Variants in DHRSX observed in about 807,000 individuals in gnomAD.
DHRSX encodes the protein dehydrogenase/reductase X-linked, also known as polyprenol dehydrogenase.
Under a neutral mutation model 34.0 loss-of-function variants are expected in DHRSX, and 31 were observed. That is an observed-to-expected ratio of 0.91 (90% CI 0.69 to 1.23). The LOEUF (loss-of-function observed/expected upper bound fraction) is 1.23, where lower values mean the gene tolerates loss of function less well. Among genes scored for constraint, DHRSX ranks in the 50% most tolerant of loss-of-function variants. The pLI is 0.00. For missense variants in DHRSX, 414 were observed against 428.1 expected (o/e 0.97, Z 0.29); for synonymous variants, 201 against 183.8 (o/e 1.09, Z -0.76).
chrX:2,401,355 C>A (rs2043483560), intron 3 of DHRSX, among the ~76,000 whole-genome samples: 1 of 152,170 alleles, frequency 6.6e-6, no homozygotes, highest in Non-Finnish European at 1.5e-5. Context: ...AAGCTATCTG[C>A]CCGCCTAGGC....
At chrX:2,317,235 G>C (rs2042250822) in intron 3 of DHRSX, among the ~76,000 whole-genome samples, 1 of 143,770 alleles carries the variant, frequency 7.0e-6, no homozygotes, top group Non-Finnish European at 1.5e-5. Context: ...TGGGATTACA[G>C]GCGTGAGCCA....
chrX:2,357,628 A>T (rs2042872413), intron 3 of DHRSX, among the ~76,000 whole-genome samples: 1 of 151,842 alleles, frequency 6.6e-6, no homozygotes, highest in East Asian at 1.9e-4. Flanking sequence ...ATGACAAAGG[A>T]TCTGAACAAA....
At chrX:2,364,499 T>C (rs2042975328) in intron 3 of DHRSX, among the ~76,000 whole-genome samples, 1 of 152,162 alleles carries the variant, frequency 6.6e-6, no homozygotes, top group Admixed American at 6.6e-5. Flanking sequence ...TCCAACTCAC[T>C]TCCTATCATC....
intron 1 of DHRSX, among the ~76,000 whole-genome samples, chrX:2,480,131 G>T (rs1172389844): frequency 6.7e-6 from 1 of 148,282 alleles, no homozygotes; most frequent in African/African-American, 2.5e-5. Context: ...TCAATCAACA[G>T]ATGAGCGTAT....
At chrX:2,302,014 T>C (rs1177450878) in intron 3 of DHRSX, among the ~76,000 whole-genome samples, 1 of 152,132 alleles carries the variant, frequency 6.6e-6, no homozygotes, top group Non-Finnish European at 1.5e-5. Context: ...ATGGCTCCGA[T>C]ATCACAAGAA....
chrX:2,416,239 C>T (rs1430670560), intron 2 of DHRSX, among the ~76,000 whole-genome samples: 2 of 151,934 alleles, frequency 1.3e-5, no homozygotes, highest in Non-Finnish European at 2.9e-5. Context: ...CTCATCAGAA[C>T]CTTACCCAAC....
intron 1 of DHRSX, among the ~76,000 whole-genome samples, chrX:2,425,670 C>T (rs906601131): frequency 2.0e-5 from 3 of 152,130 alleles, no homozygotes; most frequent in African/African-American, 7.2e-5. Context: ...CTGAGCAGGA[C>T]ATTTTTGTTC....
At chrX:2,342,105 C>T (rs1461998306) in intron 3 of DHRSX, among the ~76,000 whole-genome samples, 1 of 152,062 alleles carries the variant, frequency 6.6e-6, no homozygotes, top group Admixed American at 6.6e-5. Flanking sequence ...CTCGCCCGGC[C>T]GATTTAGAAG....
At chrX:2,229,745 A>G (rs1455724396) in intron 6 of DHRSX, among the ~76,000 whole-genome samples, 2 of 151,134 alleles carry the variant, frequency 1.3e-5, no homozygotes, top group Non-Finnish European at 2.9e-5. Flanking sequence ...TTGGATAAAT[A>G]TATGTGCATG....
At chrX:2,442,986 T>C (rs2044081674) in intron 1 of DHRSX, among the ~76,000 whole-genome samples, 1 of 152,132 alleles carries the variant, frequency 6.6e-6, no homozygotes, top group African/African-American at 2.4e-5. Flanking sequence ...AGCTGAGTAT[T>C]ACCTTGAAAT....
chrX:2,242,534 G>A (rs1161230243), intron 6 of DHRSX, among the ~76,000 whole-genome samples: 1 of 152,070 alleles, frequency 6.6e-6, no homozygotes, highest in Non-Finnish European at 1.5e-5. Flanking sequence ...ATGCTAAGTC[G>A]CAGGATGAGA....
At chrX:2,420,438 TAATAA>T (rs1210626008) in intron 2 of DHRSX, among the ~76,000 whole-genome samples, 69 of 138,346 alleles carry the variant, frequency 5.0e-4, no homozygotes, top group Non-Finnish European at 2.2e-4. Flanking sequence ...AATAATAAAA[TAATAA>T]AATAAAATAA....
chrX:2,292,480 G>A (rs1195090676), intron 3 of DHRSX, among the ~76,000 whole-genome samples: 6 of 152,114 alleles, frequency 3.9e-5, no homozygotes, highest in African/African-American at 9.7e-5. Flanking sequence ...GCCCTTCCAC[G>A]CTGCTGAGTC....
At chrX:2,474,586 G>T (rs2044645407) in intron 1 of DHRSX, among the ~76,000 whole-genome samples, 1 of 151,348 alleles carries the variant, frequency 6.6e-6, no homozygotes, top group Non-Finnish European at 1.5e-5. Context: ...TACTGAAGAC[G>T]ATCCCTAAGC....
At chrX:2,428,456 T>C (rs2043876454) in intron 1 of DHRSX, among the ~76,000 whole-genome samples, 1 of 152,146 alleles carries the variant, frequency 6.6e-6, no homozygotes, top group South Asian at 2.1e-4. Context: ...AAGGATGGGT[T>C]CATGTCCTTT....
intron 5 of DHRSX, among the ~76,000 whole-genome samples, chrX:2,250,351 T>G (rs911782507): frequency 7.7e-4 from 117 of 152,018 alleles, no homozygotes; most frequent in African/African-American, 2.7e-3. Flanking sequence ...TAGAGTAAAG[T>G]GAAAGCAAGT....
chrX:2,441,652 C>G (rs1311787528), intron 1 of DHRSX, among the ~76,000 whole-genome samples: 1 of 152,122 alleles, frequency 6.6e-6, no homozygotes, highest in Non-Finnish European at 1.5e-5. Flanking sequence ...CTCTTTTTAC[C>G]TCTTAAGACC....
chrX:2,266,686 A>G (rs750637732), intron 5 of DHRSX, 54 bp downstream of exon 5: 42 of 1,558,654 alleles, frequency 2.7e-5, no homozygotes, highest in East Asian at 4.5e-5. Context: ...AGGGAGATGA[A>G]TAACCTTTAA....
intron 1 of DHRSX, among the ~76,000 whole-genome samples, chrX:2,495,341 A>C (rs1452245841): frequency 6.6e-6 from 1 of 151,824 alleles, no homozygotes; most frequent in African/African-American, 2.4e-5. Context: ...CCATGAACAA[A>C]GGTTTATATT....
Sources: allele counts gnomAD v4.1 joint callset (sites outside exome capture counted in the v4.1 genomes callset), GRCh38; gene constraint gnomAD v4.1.1; transcripts MANE v1.5; gene names NCBI Gene and HGNC (gene_info 2026-07-23, HGNC 2026-07-21).